The following MYCBP2 variants were observed in gnomAD, a reference collection of about 807,000 sequenced individuals.
MYCBP2 encodes MYC binding protein 2.
MYCBP2 carries 120 observed loss-of-function variants against 525.3 expected under a neutral mutation model. The observed-to-expected ratio is 0.23, with a 90% confidence interval of 0.20 to 0.27. MYCBP2 has a LOEUF of 0.27. Ranked by LOEUF, MYCBP2 falls within the 10% of genes least tolerant of loss-of-function variation. The pLI is 1.00. For missense variants in MYCBP2, 4,149 were observed against 5,657.1 expected (o/e 0.73, Z 8.55); for synonymous variants, 1,894 against 1,955.8 (o/e 0.97, Z 0.83).
At chr13:77,124,780 T>C (rs2051360480) in intron 54 of MYCBP2, among the ~76,000 whole-genome samples, 1 of 151,996 alleles carries the variant, frequency 6.6e-6, no homozygotes, top group East Asian at 1.9e-4. Context: ...GAAGAACAAA[T>C]TTTTGCCACC....
intron 44 of MYCBP2, among the ~76,000 whole-genome samples, chr13:77,159,208 T>C (rs1330121129): frequency 6.6e-6 from 1 of 152,210 alleles, no homozygotes; most frequent in East Asian, 1.9e-4. Flanking sequence ...TCCCTGAATC[T>C]GTAAAATGTA....
intron 55 of MYCBP2, among the ~76,000 whole-genome samples, chr13:77,104,271 G>A (rs1566541971): frequency 1.3e-5 from 2 of 151,988 alleles, no homozygotes; most frequent in African/African-American, 4.8e-5. Flanking sequence ...TCATTATTAT[G>A]ATCAAGATTA....
chr13:77,169,265 G>A (rs1054665050), intron 39 of MYCBP2, among the ~76,000 whole-genome samples: 2 of 151,882 alleles, frequency 1.3e-5, no homozygotes, highest in African/African-American at 2.4e-5. Flanking sequence ...GCGCAGTGGC[G>A]GGCGCCTGTA....
chr13:77,193,036 T>C (rs2061431554), intron 27 of MYCBP2, among the ~76,000 whole-genome samples: 1 of 151,902 alleles, frequency 6.6e-6, no homozygotes, highest in Non-Finnish European at 1.5e-5. Flanking sequence ...GGCTGAGGCA[T>C]GAGAATCGCT....
chr13:77,142,296 T>C (rs1242588209), intron 49 of MYCBP2, among the ~76,000 whole-genome samples: 2 of 152,224 alleles, frequency 1.3e-5, no homozygotes, highest in Non-Finnish European at 2.9e-5. Flanking sequence ...ACAGGAATTG[T>C]CTTACCCAGG....
chr13:77,211,502 C>G (rs2064001606), intron 22 of MYCBP2, among the ~76,000 whole-genome samples, 182 bp from the exon 23 acceptor site: 3 of 152,232 alleles, frequency 2.0e-5, no homozygotes, highest in Middle Eastern at 3.4e-3. Flanking sequence ...TCTAAATCCA[C>G]AACACATGCT....
chr13:77,052,084 G>A (rs1278295846), intron 80 of MYCBP2, among the ~76,000 whole-genome samples, 166 bp from the exon 81 acceptor site: 1 of 152,172 alleles, frequency 6.6e-6, no homozygotes, highest in Non-Finnish European at 1.5e-5. Flanking sequence ...CTTGCTGACT[G>A]TATGTAGGGT....
At chr13:77,186,097 A>G (rs769756582) in intron 30 of MYCBP2, 34 bp from the exon 31 acceptor site, 3 of 1,426,480 alleles carry the variant, frequency 2.1e-6, no homozygotes, top group Non-Finnish European at 2.8e-6. Context: ...GACAACAATT[A>G]ATTCAAATGA....
rs1279583524 is a variant in MYCBP2, at chr13:77,166,301, C to T, written c.6340+28G>A. ...ATACATAAATGCACTTATTTTACCA[C>T]ATAAAACAGAAGAAAAAAAAAACTT... On this transcript the variant is annotated intron_variant, in intron 41 of 82. Transcript: ENST00000544440. 4.1e-6 allele frequency: 6 copies of T among 1,478,094 alleles called. No homozygotes were observed. The Admixed American group carries it at 7.9e-5, about 20-fold the overall frequency. 91.6% of individuals were successfully genotyped at this position (1,478,094 alleles called of 1,614,324 possible).
intron 55 of MYCBP2, among the ~76,000 whole-genome samples, chr13:77,108,256 C>A (rs1752939785): frequency 6.6e-6 from 1 of 152,180 alleles, no homozygotes; most frequent in East Asian, 1.9e-4. Context: ...AAAACATACT[C>A]ATAGCATATT....
intron 2 of MYCBP2, among the ~76,000 whole-genome samples, chr13:77,291,623 C>T (rs551310252): frequency 8.2e-4 from 125 of 152,214 alleles, no homozygotes; most frequent in Non-Finnish European, 1.3e-3. Flanking sequence ...CAAAATTAGC[C>T]GGGCGTGGCG....
chr13:77,067,502 A>T (rs564043340), intron 71 of MYCBP2, 79 bp downstream of exon 71: 2 of 1,447,284 alleles, frequency 1.4e-6, no homozygotes, highest in South Asian at 2.6e-5. Flanking sequence ...ACAAGGTAAA[A>T]TCTGAAATTA....
chr13:77,201,491 G>A (rs967205543), intron 26 of MYCBP2, among the ~76,000 whole-genome samples: 13 of 152,156 alleles, frequency 8.5e-5, no homozygotes, highest in Non-Finnish European at 1.6e-4. Flanking sequence ...CAACAAGACA[G>A]AAAGTCAACA....
chr13:77,324,415 T>C (rs2082055147), intron 1 of MYCBP2, among the ~76,000 whole-genome samples: 1 of 152,214 alleles, frequency 6.6e-6, no homozygotes, highest in African/African-American at 2.4e-5. Context: ...AATTCTATCA[T>C]TCATTCAGAG....
At chr13:77,157,884 A>G in intron 45 of MYCBP2, 53 bp downstream of exon 45, 1 of 1,426,026 alleles carries the variant, frequency 7.0e-7, no homozygotes, top group Admixed American at 2.2e-5. Context: ...TCTTTCAGAA[A>G]TGAAGAAAGA....
intron 81 of MYCBP2, among the ~76,000 whole-genome samples, 172 bp downstream of exon 81, chr13:77,051,639 G>T (rs756635743): frequency 6.6e-6 from 1 of 151,770 alleles, no homozygotes; most frequent in Non-Finnish European, 1.5e-5. Flanking sequence ...TAAAAATATC[G>T]CCCAAAGGAA....
intron 43 of MYCBP2, among the ~76,000 whole-genome samples, chr13:77,162,413 T>C (rs2058042971): frequency 6.6e-6 from 1 of 152,350 alleles, no homozygotes; most frequent in African/African-American, 2.4e-5. Flanking sequence ...TTAGTTAATA[T>C]AGAACATATT....
Position 77,326,782 on chromosome 13 carries a change from C to T in MYCBP2, c.-7G>A. 7 of 1,395,792 alleles carry T rather than the reference C, an allele frequency of 5.0e-6. No homozygotes were observed. The highest frequency in any genetic ancestry group is 5.5e-6 in the Non-Finnish European group (6 of 1,087,134). The allele number at this position is 1,395,792 out of a possible 1,614,324, so 86.5% of individuals were successfully genotyped here. The stretch of plus-strand genomic sequence containing the variant: ...TCGCTGCGCACATCATCATCCTCGC[C>T]GCCGCCGCCGCCGCCGCCGCCTCGT... On this transcript the variant is annotated 5_prime_UTR_variant, in exon 1 of 83. Transcript: ENST00000544440. This position sits in a 1 kb window ranked among gnomAD's most constrained non-coding sequence, Gnocchi z 4.2.
chr13:77,258,159 C>T (rs1231665156), intron 13 of MYCBP2, among the ~76,000 whole-genome samples: 1 of 152,134 alleles, frequency 6.6e-6, no homozygotes. Flanking sequence ...ACAAAGGAGT[C>T]CATAAATAAT....
Sources: allele counts gnomAD v4.1 joint callset (sites outside exome capture counted in the v4.1 genomes callset), GRCh38; gene constraint gnomAD v4.1.1; non-coding constraint Gnocchi (gnomAD v3.1); transcripts MANE v1.5; gene names NCBI Gene and HGNC (gene_info 2026-07-23, HGNC 2026-07-21).